MACROD2: variants seen among roughly 807,000 people sequenced by gnomAD.
The protein encoded by MACROD2 is mono-ADP ribosylhydrolase 2.
MACROD2 carries 36 observed loss-of-function variants against 70.4 expected under a neutral mutation model. That is an observed-to-expected ratio of 0.51 (90% CI 0.39 to 0.68). The LOEUF is 0.68. MACROD2 is among the 30% of genes least tolerant of loss of function. MACROD2 has a pLI of 0.00. For synonymous variants in MACROD2, 172 were observed against 178.8 expected (o/e 0.96, Z 0.30); for missense variants, 496 against 538.4 (o/e 0.92, Z 0.78).
intron 8 of MACROD2, among the ~76,000 whole-genome samples, chr20:15,586,939 T>A (rs985273629): frequency 1.3e-5 from 2 of 152,198 alleles, no homozygotes; most frequent in African/African-American, 4.8e-5. Context: ...AAAGAAAGAC[T>A]TGAACCAATG....
chr20:15,967,635 G>T lies in MACROD2; in HGVS notation c.985+5G>T. The T allele has an allele frequency of 6.7e-7, 1 of 1,490,276 alleles. No individual in the cohort carries two copies. Among genetic ancestry groups the T allele is most frequent in the Admixed American group, 1.9e-5 (1 of 53,052 alleles). 92.3% of individuals were successfully genotyped at this position (1,490,276 alleles called of 1,614,324 possible). On this transcript the variant is annotated splice_donor_5th_base_variant and intron_variant, in intron 13 of 17. Transcript: ENST00000684519. ...GTGACCAAGATCATCCCGATGGTAG[G>T]TTGTGAAATCCTTTATTAGATTTTC...
intron 10 of MACROD2, among the ~76,000 whole-genome samples, chr20:15,888,407 G>A (rs1017291979): frequency 6.6e-6 from 1 of 152,052 alleles, no homozygotes; most frequent in African/African-American, 2.4e-5. Context: ...TTTTAGCTAT[G>A]AGGGGTACTG....
intron 8 of MACROD2, among the ~76,000 whole-genome samples, chr20:15,638,591 A>G (rs2093743665): frequency 6.6e-6 from 1 of 152,110 alleles, no homozygotes; most frequent in Admixed American, 6.5e-5. Flanking sequence ...TTGGGTATTG[A>G]CTTGCTGAGT....
At chr20:14,452,238 A>G (rs1239991055) in intron 3 of MACROD2, among the ~76,000 whole-genome samples, 4 of 152,110 alleles carry the variant, frequency 2.6e-5, no homozygotes, top group African/African-American at 9.7e-5. Context: ...CTAATTGCAC[A>G]TGGCTAATAA....
intron 3 of MACROD2, among the ~76,000 whole-genome samples, chr20:14,098,577 C>A (rs1406860292): frequency 6.6e-6 from 1 of 152,064 alleles, no homozygotes; most frequent in Non-Finnish European, 1.5e-5. Flanking sequence ...CATATTAGGA[C>A]TGCACAGGAT....
intron 4 of MACROD2, among the ~76,000 whole-genome samples, chr20:14,569,713 T>G (rs1183763461): frequency 6.6e-6 from 1 of 151,946 alleles, no homozygotes; most frequent in Non-Finnish European, 1.5e-5. Context: ...CTATCTTCTG[T>G]GTGGCCAAAT....
At chr20:15,212,428 G>A (rs175265) in intron 5 of MACROD2, among the ~76,000 whole-genome samples, 56,066 of 152,062 alleles carry the variant, frequency 0.37, 10,515 homozygotes, top group Non-Finnish European at 0.4. Context: ...TGCAAAATGA[G>A]CTCTTTTTTT....
chr20:15,464,678 C>T (rs1191039688), intron 7 of MACROD2, among the ~76,000 whole-genome samples: 1 of 152,148 alleles, frequency 6.6e-6, no homozygotes, highest in African/African-American at 2.4e-5. Context: ...ATCATCTGAC[C>T]CTTATGTACC....
intron 3 of MACROD2, chr20:14,128,035 T>C: frequency 1.8e-6 from 1 of 560,992 alleles, no homozygotes; most frequent in Non-Finnish European, 3.5e-6. Context: ...AATCAGATGG[T>C]GATTTTACTT....
chr20:14,573,533 A>C (rs915168045), intron 4 of MACROD2, among the ~76,000 whole-genome samples: 1 of 152,178 alleles, frequency 6.6e-6, no homozygotes, highest in Admixed American at 6.5e-5. Flanking sequence ...TGAGTTTAAA[A>C]TATTATGGAT....
chr20:15,160,163 G>A (rs531394320), intron 5 of MACROD2, among the ~76,000 whole-genome samples: 70 of 152,112 alleles, frequency 4.6e-4, no homozygotes, highest in African/African-American at 1.7e-3. Flanking sequence ...GTTGAAGGTG[G>A]TTGAAAAAGA....
At chr20:15,091,357 A>G (rs1467740718) in intron 5 of MACROD2, among the ~76,000 whole-genome samples, 2 of 152,118 alleles carry the variant, frequency 1.3e-5, no homozygotes, top group Admixed American at 6.6e-5. Context: ...ACCAAACAAA[A>G]AAAAAATGAA....
At chr20:15,055,135 A>G (rs2075474344) in intron 5 of MACROD2, among the ~76,000 whole-genome samples, 1 of 152,076 alleles carries the variant, frequency 6.6e-6, no homozygotes, top group Non-Finnish European at 1.5e-5. Flanking sequence ...TTTTTAGTAG[A>G]GACAGGGTTT....
intron 2 of MACROD2, among the ~76,000 whole-genome samples, chr20:14,030,891 A>G (rs1355161857): frequency 6.6e-6 from 1 of 152,050 alleles, no homozygotes; most frequent in African/African-American, 2.4e-5. Context: ...ACTTTTGGGG[A>G]GCAAATTAAA....
rs1568534745 is a variant in MACROD2 at position 15,021,179 on chromosome 20, GGTGTGCGTATACA to G, written c.419-208760_419-208748del. On this transcript the variant is annotated intron_variant, in intron 5 of 17. Coordinates refer to ENST00000684519, the MANE Select transcript of MACROD2 (RefSeq NM_001351661.2). ...ACCTGTGTGTATGTATACACATACA[GGTGTGCGTATACA>G]CACACCTGTGTGTATGTATACACAT... Among the ~76,000 whole-genome samples the G allele has an allele frequency of 2.9e-3, 250 of 85,122 alleles. 79 individuals are homozygous for G. Among genetic ancestry groups the G allele is most frequent in the African/African-American group, 0.011 (240 of 20,990 alleles). 55.8% of individuals were successfully genotyped at this position (85,122 alleles called of 152,430 possible). A position where few individuals can be genotyped will look rare whatever the true frequency, so the allele number is the denominator to read the frequency against.
chr20:15,074,913 C>G (rs868274493), intron 5 of MACROD2, among the ~76,000 whole-genome samples: 11 of 152,146 alleles, frequency 7.2e-5, no homozygotes, highest in Admixed American at 5.9e-4. Context: ...AAGACAGCAT[C>G]TCTTCCATTA....
At chr20:15,360,387 CAT>C (rs781274294) in intron 6 of MACROD2, among the ~76,000 whole-genome samples, 7 of 152,070 alleles carry the variant, frequency 4.6e-5, no homozygotes, top group Non-Finnish European at 1.0e-4. Flanking sequence ...AACCAGCAAT[CAT>C]GTGATTGCTG....
intron 5 of MACROD2, among the ~76,000 whole-genome samples, chr20:15,002,692 G>A (rs2075005452): frequency 6.6e-6 from 1 of 152,140 alleles, no homozygotes; most frequent in Admixed American, 6.5e-5. Flanking sequence ...TAAGAAAAAA[G>A]CCAAGAAACC....
chr20:14,420,956 G>C (rs1300679875), intron 3 of MACROD2, among the ~76,000 whole-genome samples: 1 of 152,206 alleles, frequency 6.6e-6, no homozygotes, highest in Non-Finnish European at 1.5e-5. Context: ...GCCTCCCAAA[G>C]TGTTGGGATT....
Sources: gnomAD v4.1 joint callset for allele counts (sites outside exome capture counted in the v4.1 genomes callset) on GRCh38, gnomAD v4.1.1 for gene constraint, MANE v1.5 for transcripts, NCBI Gene and HGNC (gene_info 2026-07-23, HGNC 2026-07-21) for gene names.